The following APP variants were observed in gnomAD, a reference collection of about 807,000 sequenced individuals.
The protein encoded by APP is amyloid beta precursor protein.
In APP, 31 loss-of-function variants were observed where a neutral mutation model predicts 101.4. The observed-to-expected ratio is 0.31, with a 90% CI of 0.23 to 0.41. The LOEUF (loss-of-function observed/expected upper bound fraction) is 0.41. APP is among the 10% of genes least tolerant of loss of function. The probability of loss-of-function intolerance (pLI) is 1.00; values close to 1 mark genes in which losing one functional copy is unlikely to be tolerated. For synonymous variants in APP, 366 were observed against 364.4 expected (o/e 1.00, Z -0.05); for missense variants, 839 against 1,003.7 (o/e 0.84, Z 2.22).
At chr21:26,077,007 G>A (rs2061509554) in intron 3 of APP, among the ~76,000 whole-genome samples, 2 of 150,174 alleles carry the variant, frequency 1.3e-5, no homozygotes, top group African/African-American at 4.9e-5. Context: ...AGGCTGCGAT[G>A]AGCCAAGACT....
At chr21:25,904,134 G>T (rs2038660769) in intron 15 of APP, among the ~76,000 whole-genome samples, 2 of 152,182 alleles carry the variant, frequency 1.3e-5, no homozygotes, top group South Asian at 4.1e-4. Flanking sequence ...AATAAATATG[G>T]AAAAGTATGT....
chr21:26,121,635 C>T (rs1313891748), intron 1 of APP, among the ~76,000 whole-genome samples: 1 of 152,110 alleles, frequency 6.6e-6, no homozygotes, highest in East Asian at 1.9e-4. Context: ...AGCCACCGCG[C>T]CTGGCCTTAC....
intron 16 of APP, among the ~76,000 whole-genome samples, chr21:25,892,206 G>A (rs2037746092): frequency 1.3e-5 from 2 of 152,130 alleles, no homozygotes; most frequent in African/African-American, 4.8e-5. Flanking sequence ...CCTTTGACAG[G>A]TGGAACATTT....
intron 1 of APP, chr21:26,169,337 T>TA (rs1047501579): frequency 1.6e-4 from 24 of 151,898 alleles, no homozygotes; most frequent in African/African-American, 4.4e-4. Flanking sequence ...ATCTGCACCC[T>TA]AAAAAAAAGA....
In APP at chr21:26,113,322, T is replaced by C. The variant is rs146615685; in HGVS notation, c.58-1176A>G. On this transcript the variant is annotated intron_variant, in intron 1 of 17. Coordinates refer to ENST00000346798, the MANE Select transcript of APP (RefSeq NM_000484.4). Reference sequence around the variant, plus strand: ...ACAGGAGGAAAAACACCAACTAAAATTGCACTGAGAAATTTTCAGTTAAAG... The same window carrying C: ...ACAGGAGGAAAAACACCAACTAAAACTGCACTGAGAAATTTTCAGTTAAAG... 4.2e-3 allele frequency among the ~76,000 whole-genome samples: 634 copies of C among 152,272 alleles called. 7 individuals are homozygous for C. The highest frequency in any genetic ancestry group is 0.014 in the Middle Eastern group (4 of 294).
At chr21:26,004,161 A>G (rs2043410252) in intron 6 of APP, among the ~76,000 whole-genome samples, 1 of 152,156 alleles carries the variant, frequency 6.6e-6, no homozygotes, top group African/African-American at 2.4e-5. Flanking sequence ...AGAAGTGAAC[A>G]CGGAGAAGCA....
Position 26,017,506 on chromosome 21 carries a change from C to CT in APP, c.865+4333dup, listed in dbSNP as rs770001497. On this transcript the variant is annotated intron_variant, in intron 6 of 17. Transcript: ENST00000346798. ...ACAAAGGCTTCAAAAATCTGCCAGT[C>CT]TCCCAGGAGGTAAAATGCTGTCTGC... Among the ~76,000 whole-genome samples, 4 of 152,094 alleles carry CT rather than the reference C, an allele frequency of 2.6e-5. 1 individual carries two copies. In the East Asian group the frequency reaches 7.7e-4, roughly 29 times the overall value.
intron 7 of APP, among the ~76,000 whole-genome samples, chr21:25,998,635 G>A (rs527827997): frequency 6.6e-6 from 1 of 152,220 alleles, no homozygotes; most frequent in Non-Finnish European, 1.5e-5. Flanking sequence ...TCTCAGGCAG[G>A]AAATGTGGCT....
At chr21:25,961,635 A>G (rs1049642607) in intron 11 of APP, among the ~76,000 whole-genome samples, 1 of 152,226 alleles carries the variant, frequency 6.6e-6, no homozygotes, top group Non-Finnish European at 1.5e-5. Flanking sequence ...TAAGAATAAC[A>G]AGGTGTCCTG....
At chr21:25,981,711 G>GTTTTTT (rs11330953) in intron 9 of APP, among the ~76,000 whole-genome samples, 1 of 127,358 alleles carries the variant, frequency 7.9e-6, no homozygotes, top group Non-Finnish European at 1.7e-5. Context: ...ACCAAAACAG[G>GTTTTTT]TTTTTTTTTT....
intron 11 of APP, among the ~76,000 whole-genome samples, chr21:25,972,041 A>T (rs2042050577): frequency 1.3e-5 from 2 of 152,258 alleles, no homozygotes; most frequent in Non-Finnish European, 2.9e-5. Flanking sequence ...ACATGTAATA[A>T]TAAGCAATCA....
Position 26,112,000 on chromosome 21 carries a change from G to A in APP, c.204C>T (p.Gly68=). 6.2e-7 allele frequency: 1 copy of A among 1,614,114 alleles called. No homozygotes were observed. The highest frequency in any genetic ancestry group is 8.5e-7 in the Non-Finnish European group (1 of 1,179,996). The change falls in exon 2 of 18, where the codon GGC becomes GGT. Residue 68 remains glycine (G), a synonymous_variant. Coordinates refer to ENST00000346798, the MANE Select transcript of APP (RefSeq NM_000484.4). The part of the protein sequence containing the change: ...GTKTCIDTKE[G]ILQYCQEVYP... Reference sequence around the variant, plus strand: ...TTACTTCTTGGCAATACTGCAGGATGCCTTCCTTGGTATCAATGCAGGTTT... The same window carrying A: ...TTACTTCTTGGCAATACTGCAGGATACCTTCCTTGGTATCAATGCAGGTTT...
At chr21:26,165,427 G>T (rs547832586) in intron 1 of APP, among the ~76,000 whole-genome samples, 4 of 152,182 alleles carry the variant, frequency 2.6e-5, no homozygotes, top group Non-Finnish European at 5.9e-5. Flanking sequence ...ACAGAAACTT[G>T]CCCATGGTCA....
chr21:25,976,773 CTT>C (rs1047085551), intron 9 of APP, among the ~76,000 whole-genome samples: 31 of 152,330 alleles, frequency 2.0e-4, no homozygotes, highest in African/African-American at 7.0e-4. Flanking sequence ...GTGTTGGAAA[CTT>C]AATCCCCAGT....
chr21:26,155,247 C>G (rs1218971846), intron 1 of APP, among the ~76,000 whole-genome samples: 1 of 152,112 alleles, frequency 6.6e-6, no homozygotes, highest in Non-Finnish European at 1.5e-5. Flanking sequence ...GGGCAACCGA[C>G]TGAGTGAGAC....
At chr21:25,974,581 G>A (rs2042156087) in intron 11 of APP, among the ~76,000 whole-genome samples, 1 of 152,170 alleles carries the variant, frequency 6.6e-6, no homozygotes, top group Admixed American at 6.5e-5. Flanking sequence ...CTATGAACCA[G>A]GAAGCAAACT....
chr21:26,044,139 A>G (rs1355153142), intron 5 of APP, among the ~76,000 whole-genome samples: 2 of 152,238 alleles, frequency 1.3e-5, no homozygotes, highest in East Asian at 3.8e-4. Context: ...GTACTGCATC[A>G]TCTTTCAAGA....
chr21:26,019,168 G>A (rs1284921378), intron 6 of APP, among the ~76,000 whole-genome samples: 1 of 152,144 alleles, frequency 6.6e-6, no homozygotes, highest in African/African-American at 2.4e-5. Context: ...AATCTGCAGC[G>A]CACAGTAGCT....
At chr21:25,943,685 C>T (rs563716732) in intron 13 of APP, among the ~76,000 whole-genome samples, 15 of 152,152 alleles carry the variant, frequency 9.9e-5, no homozygotes, top group African/African-American at 2.6e-4. Flanking sequence ...CTGCCTGACT[C>T]GGCCTCCCAA....
Sources: allele counts gnomAD v4.1 joint callset (sites outside exome capture counted in the v4.1 genomes callset), GRCh38; gene constraint gnomAD v4.1.1; transcripts MANE v1.5; gene names NCBI Gene and HGNC (gene_info 2026-07-23, HGNC 2026-07-21).